Variants in GRIN2A observed in about 807,000 individuals in gnomAD.
GRIN2A encodes glutamate ionotropic receptor NMDA type subunit 2A, also known as glutamate receptor ionotropic, NMDA 2A.
A neutral mutation model predicts 113.4 loss-of-function variants in GRIN2A; 22 were observed. That is an observed-to-expected ratio of 0.19 (90% CI 0.14 to 0.28). GRIN2A has a LOEUF of 0.28. Ranked by LOEUF, GRIN2A falls within the 10% of genes least tolerant of loss-of-function variation. GRIN2A has a pLI of 1.00. For missense variants in GRIN2A, 1,502 were observed against 1,887.0 expected, an observed-to-expected ratio of 0.80 and a Z score of 3.78; for synonymous variants, 827 against 738.4, an observed-to-expected ratio of 1.12 and a Z score of -1.94.
rs1596371525 is a variant in GRIN2A at position 9,760,686 on chromosome 16, T to C, written c.*2463A>G. On this transcript the variant is annotated 3_prime_UTR_variant, in exon 13 of 13. Coordinates refer to ENST00000330684, the MANE Select transcript of GRIN2A (RefSeq NM_001134407.3). ...AACTCTCACTCTCCCTGGAGGTCTCTGTGGCATTTGGCAGCCCCCTGGGTT... is the reference window on the plus strand; with the variant it reads ...AACTCTCACTCTCCCTGGAGGTCTCCGTGGCATTTGGCAGCCCCCTGGGTT... 2 of 226,616 alleles carry C rather than the reference T, an allele frequency of 8.8e-6. No homozygotes were observed. The highest frequency in any genetic ancestry group is 1.8e-5 in the Non-Finnish European group (2 of 113,972). 14.0% of individuals were successfully genotyped at this position (226,616 alleles called of 1,614,324 possible). A position where few individuals can be genotyped will look rare whatever the true frequency, so the allele number is the denominator to read the frequency against.
chr16:10,106,212 G>GTTTTTTTTTTTTTTTTTT, intron 2 of GRIN2A, among the ~76,000 whole-genome samples: 1 of 140,978 alleles, frequency 7.1e-6, no homozygotes. Context: ...TTGGGGAAGT[G>GTTTTTTTTTTTTTTTTTT]TTTTTTTTTT....
At position 9,755,723 on chromosome 16, in the gene GRIN2A, C is replaced by T. The variant is rs192615115; in HGVS notation, c.*7426G>A. On this transcript the variant is annotated 3_prime_UTR_variant, in exon 13 of 13. Transcript: ENST00000330684. ...GGGCATGCCTGCAGGATATGTTAAA[C>T]ATTAGGCCATTCTGGGTACCTATAA... 30 of 209,872 alleles carry T rather than the reference C, an allele frequency of 1.4e-4. No homozygotes were observed. The Admixed American group carries it at 1.6e-3, about 11-fold the overall frequency. 13.0% of individuals were successfully genotyped at this position (209,872 alleles called of 1,614,324 possible).
chr16:9,991,593 C>A (rs1041237070), intron 2 of GRIN2A, among the ~76,000 whole-genome samples: 2 of 152,100 alleles, frequency 1.3e-5, no homozygotes, highest in African/African-American at 2.4e-5. Flanking sequence ...ATTATGCCAC[C>A]CTCTGTGTCC....
chr16:9,875,181 T>C (rs749740425), intron 4 of GRIN2A, among the ~76,000 whole-genome samples: 36 of 151,858 alleles, frequency 2.4e-4, no homozygotes, highest in Non-Finnish European at 4.1e-4. Flanking sequence ...AAAAAGGGTG[T>C]GTGGGGGAAT....
At chr16:10,132,247 G>A (rs1466106575) in intron 2 of GRIN2A, among the ~76,000 whole-genome samples, 3 of 150,916 alleles carry the variant, frequency 2.0e-5, no homozygotes, top group African/African-American at 4.9e-5. Flanking sequence ...CAGGAGAATC[G>A]CTTGAACCCG....
At chr16:10,153,122 A>G (rs1397226809) in intron 2 of GRIN2A, among the ~76,000 whole-genome samples, 1 of 152,218 alleles carries the variant, frequency 6.6e-6, no homozygotes, top group Non-Finnish European at 1.5e-5. Context: ...TAGGCCTATC[A>G]GTTGTAACAA....
rs190541197 is a variant in GRIN2A, at chr16:10,087,798, C to T, written c.414+92200G>A. Among the ~76,000 whole-genome samples, 317 of 151,958 alleles carry T rather than the reference C, an allele frequency of 2.1e-3. 1 individual carries two copies. The highest frequency in any genetic ancestry group is 7.2e-3 in the African/African-American group (299 of 41,462). ...TCCATCGGGGCTCAAGTGATCCTCCCACCTCAGCTTTCCAAGTAGCTGGGA... is the reference window on the plus strand; with the variant it reads ...TCCATCGGGGCTCAAGTGATCCTCCTACCTCAGCTTTCCAAGTAGCTGGGA... On this transcript the variant is annotated intron_variant, in intron 2 of 12. Coordinates refer to ENST00000330684, the MANE Select transcript of GRIN2A (RefSeq NM_001134407.3).
intron 3 of GRIN2A, among the ~76,000 whole-genome samples, chr16:9,898,985 C>G (rs867497781): frequency 2.0e-5 from 3 of 152,100 alleles, no homozygotes; most frequent in Non-Finnish European, 4.4e-5. Context: ...TCATCCACCT[C>G]CTCCTTCTCT....
chr16:9,996,233 G>A (rs561217064), intron 2 of GRIN2A, among the ~76,000 whole-genome samples: 3 of 152,044 alleles, frequency 2.0e-5, no homozygotes, highest in South Asian at 4.2e-4. Context: ...AGGGTGGAAG[G>A]GCATCTCCAA....
At chr16:10,043,234 G>A (rs1274899411) in intron 2 of GRIN2A, among the ~76,000 whole-genome samples, 1 of 152,148 alleles carries the variant, frequency 6.6e-6, no homozygotes, top group Non-Finnish European at 1.5e-5. Flanking sequence ...GAGGCTTGAT[G>A]CCGTTAAGTA....
At chr16:10,113,285 C>T (rs1427914378) in intron 2 of GRIN2A, among the ~76,000 whole-genome samples, 1 of 152,186 alleles carries the variant, frequency 6.6e-6, no homozygotes, top group Non-Finnish European at 1.5e-5. Context: ...GCCTCTGGCT[C>T]TTCCCGGGCC....
In GRIN2A at chr16:9,849,883, G is replaced by C. The variant is rs762535029; in HGVS notation, c.1201C>G (p.Pro401Ala). The part of the protein sequence containing the change: ...PRYKSFSDCE[P>A]DDNHLSIVTL... The stretch of plus-strand genomic sequence containing the variant: ...ACGATGCTGAGATGGTTGTCATCCG[G>C]CTCACAGTCGGAGAAGGACTTGTAC... The change falls in exon 5 of 13, where the codon CCG becomes GCG. Residue 401 changes from proline (P) to alanine (A), a missense_variant. Around this residue, in one of 7 missense-constraint regions of GRIN2A, gnomAD observed 334 missense variants for 403.0 expected, o/e 0.83. Coordinates refer to ENST00000330684, the MANE Select transcript of GRIN2A (RefSeq NM_001134407.3). 4.8e-5 allele frequency: 78 copies of C among 1,613,584 alleles called. No individual in the cohort carries two copies. Among genetic ancestry groups the C allele is most frequent in the Non-Finnish European group, 6.2e-5 (73 of 1,179,678 alleles).
chr16:9,987,652 G>A (rs2046004301), intron 2 of GRIN2A, among the ~76,000 whole-genome samples: 1 of 152,096 alleles, frequency 6.6e-6, no homozygotes, highest in Admixed American at 6.6e-5. Context: ...CTGTATATTT[G>A]GCTTAAATAA....
At chr16:9,904,128 G>C (rs1023048527) in intron 3 of GRIN2A, among the ~76,000 whole-genome samples, 4 of 152,196 alleles carry the variant, frequency 2.6e-5, no homozygotes, top group Non-Finnish European at 5.9e-5. Context: ...TGTGTCAATG[G>C]GGGTAAGGCC....
chr16:9,885,548 G>A (rs1047225960), intron 4 of GRIN2A, among the ~76,000 whole-genome samples: 7 of 152,190 alleles, frequency 4.6e-5, no homozygotes, highest in Non-Finnish European at 8.8e-5. Flanking sequence ...AAAAGCAAGT[G>A]CCCCTCTAAG....
intron 2 of GRIN2A, among the ~76,000 whole-genome samples, chr16:10,011,448 C>A (rs1413049199): frequency 6.6e-6 from 1 of 152,096 alleles, no homozygotes; most frequent in African/African-American, 2.4e-5. Flanking sequence ...TTGGTGGGTC[C>A]ATCAGTCTAC....
Position 9,955,692 on chromosome 16 carries a change from A to G in GRIN2A, c.415-17141T>C, listed in dbSNP as rs147115809. 1.4e-3 allele frequency among the ~76,000 whole-genome samples: 218 copies of G among 152,278 alleles called. 1 individual carries two copies. Among genetic ancestry groups the G allele is most frequent in the African/African-American group, 5.1e-3 (213 of 41,566 alleles). On this transcript the variant is annotated intron_variant, in intron 2 of 12. Transcript: ENST00000330684. ...GTTTTATTTTGTCTTACTAATCACT[A>G]TATCTCCAGCACTGTAGAAGCCTAA... is the stretch of plus-strand genomic sequence containing the variant.
chr16:9,898,291 A>C (rs1049494934), intron 3 of GRIN2A, among the ~76,000 whole-genome samples: 3 of 152,110 alleles, frequency 2.0e-5, no homozygotes, highest in Non-Finnish European at 4.4e-5. Context: ...AATGCTTTTT[A>C]AAGCCATGCT....
intron 2 of GRIN2A, among the ~76,000 whole-genome samples, chr16:10,144,920 C>CAAAA (rs58751267): frequency 0.39 from 23,072 of 58,602 alleles, 5,908 homozygotes; most frequent in East Asian, 0.78. Flanking sequence ...GACCCTGTCT[C>CAAAA]AAAAAAAAAA....
Sources: allele counts gnomAD v4.1 joint callset (sites outside exome capture counted in the v4.1 genomes callset), GRCh38; gene constraint gnomAD v4.1.1; regional missense constraint gnomAD v4.1.1; transcripts MANE v1.5; gene names NCBI Gene and HGNC (gene_info 2026-07-23, HGNC 2026-07-21).